The following CDC42SE1 variants were observed in gnomAD, a reference collection of about 807,000 sequenced individuals.
CDC42SE1 encodes the protein CDC42 small effector 1, also known as CDC42 small effector protein 1.
A neutral mutation model predicts 10.9 loss-of-function variants in CDC42SE1; 10 were observed. That is an observed-to-expected ratio of 0.92 (90% confidence interval 0.57 to 1.56). CDC42SE1 has a LOEUF of 1.56. CDC42SE1 is among the 40% of genes most tolerant of loss of function. The pLI is 0.00. For missense variants in CDC42SE1, 81 were observed against 100.8 expected (o/e 0.80, Z 0.84); for synonymous variants, 24 against 32.0 (o/e 0.75, Z 0.85).
In CDC42SE1 at chr1:151,051,291, G is replaced by A. The variant is rs1372021099; in HGVS notation, c.*2053C>T. 1 of 143,542 alleles carries A rather than the reference G, an allele frequency of 7.0e-6. No individual in the cohort carries two copies. The highest frequency in any genetic ancestry group is 1.5e-5 in the Non-Finnish European group (1 of 65,958). 8.9% of individuals were successfully genotyped at this position (143,542 alleles called of 1,614,324 possible). ...CTGAGGTATTTTAGAGCAACAAGCT[G>A]GGTTACTTTCAGAGCAACCAGCTTG... On this transcript the variant is annotated 3_prime_UTR_variant, in exon 5 of 5. Coordinates refer to ENST00000357235, the MANE Select transcript of CDC42SE1 (RefSeq NM_020239.4).
chr1:151,057,708 C>A lies in CDC42SE1; in HGVS notation c.-263-1715G>T, dbSNP rs1216870734. The A allele has an allele frequency of 2.1e-5, 1 of 48,346 alleles. No homozygotes were observed. The highest frequency in any genetic ancestry group is 3.2e-4 in the Admixed American group (1 of 3,128). 3.0% of individuals were successfully genotyped at this position (48,346 alleles called of 1,614,324 possible). ...GTCTCAAATACAAAACACACACACACACACACACACACACACACACACACA... is the reference window on the plus strand; with the variant it reads ...GTCTCAAATACAAAACACACACACAAACACACACACACACACACACACACA... On this transcript the variant is annotated intron_variant, in intron 1 of 4. Coordinates refer to ENST00000357235, the MANE Select transcript of CDC42SE1 (RefSeq NM_020239.4). This position sits in a 1 kb window ranked among gnomAD's most constrained non-coding sequence, Gnocchi z 4.0.
Position 151,052,152 on chromosome 1 carries a change from A to G in CDC42SE1, c.*1192T>C, listed in dbSNP as rs964574757. The stretch of plus-strand genomic sequence containing the variant: ...TCAAATGGAGGCGATTTTGCCCCCT[A>G]GGAGAAATCTGGCAATGTATAGAGA... On this transcript the variant is annotated 3_prime_UTR_variant, in exon 5 of 5. Transcript: ENST00000357235. The G allele has an allele frequency of 6.6e-6, 1 of 152,180 alleles. No homozygotes were observed. The highest frequency in any genetic ancestry group is 1.5e-5 in the Non-Finnish European group (1 of 68,046). 9.4% of individuals were successfully genotyped at this position (152,180 alleles called of 1,614,324 possible).
In CDC42SE1 at chr1:151,057,805, G is replaced by A. The variant is rs1026578029; in HGVS notation, c.-264+1674C>T. ...ACAAACACTCAAATGTAGCTTCTAG[G>A]GGAGGGGAGAACCCAGGAGGCTGGG... On this transcript the variant is annotated intron_variant, in intron 1 of 4. Transcript: ENST00000357235. This position sits in a 1 kb window ranked among gnomAD's most constrained non-coding sequence, Gnocchi z 4.0. 6.6e-6 allele frequency: 1 copy of A among 152,042 alleles called. No individual in the cohort carries two copies. Among genetic ancestry groups the A allele is most frequent in the Non-Finnish European group, 1.5e-5 (1 of 68,124 alleles). 9.4% of individuals were successfully genotyped at this position (152,042 alleles called of 1,614,324 possible).
Position 151,057,689 on chromosome 1 carries a change from A to G in CDC42SE1, c.-263-1696T>C, listed in dbSNP as rs1449602810. 3 of 119,440 alleles carry G rather than the reference A, an allele frequency of 2.5e-5. No individual in the cohort carries two copies. Among genetic ancestry groups the G allele is most frequent in the African/African-American group, 9.8e-5 (3 of 30,526 alleles). 7.4% of individuals were successfully genotyped at this position (119,440 alleles called of 1,614,324 possible). On this transcript the variant is annotated intron_variant, in intron 1 of 4. Transcript: ENST00000357235. The surrounding 1 kb of genome is among the most constrained non-coding windows in gnomAD (Gnocchi z 4.0). ...GGTGACAGGACAAGACCCTGTCTCA[A>G]ATACAAAACACACACACACACACAC...
rs1330210564 is a variant in CDC42SE1, at chr1:151,052,511, T to G, written c.*833A>C. 1 of 152,444 alleles carries G rather than the reference T, an allele frequency of 6.6e-6. No individual in the cohort carries two copies. The highest frequency in any genetic ancestry group is 6.6e-5 in the Admixed American group (1 of 15,250). 9.4% of individuals were successfully genotyped at this position (152,444 alleles called of 1,614,324 possible). On this transcript the variant is annotated 3_prime_UTR_variant, in exon 5 of 5. Transcript: ENST00000357235. ...CCTCTCACCTGGGCCAGCAGGGAGG[T>G]TGGCAGAGGGCAGGAAAGATGCCCC... is the stretch of plus-strand genomic sequence containing the variant.
In CDC42SE1 at chr1:151,055,664, TG is replaced by T; in HGVS notation, c.54+12del. ...CTGCTCTTTGGGTTAGGATGGGGGGTGGGGAGACTCACCGGCTGGGGTTTCT... is the reference window on the plus strand; with the variant it reads ...CTGCTCTTTGGGTTAGGATGGGGGGTGGGAGACTCACCGGCTGGGGTTTCT... On this transcript the variant is annotated intron_variant, in intron 2 of 4. Coordinates refer to ENST00000357235, the MANE Select transcript of CDC42SE1 (RefSeq NM_020239.4). 6.2e-7 allele frequency: 1 copy of T among 1,608,154 alleles called. No individual in the cohort carries two copies. The highest frequency in any genetic ancestry group is 8.5e-7 in the Non-Finnish European group (1 of 1,175,456).
At position 151,055,850 on chromosome 1, in the gene CDC42SE1, C is replaced by T; in HGVS notation, c.-120G>A. ...ACACCACCACCCTGGGTTCACTCAG[C>T]TGGATGGGTCCAGACAAAGTGGAAT... On this transcript the variant is annotated 5_prime_UTR_variant, in exon 2 of 5. Coordinates refer to ENST00000357235, the MANE Select transcript of CDC42SE1 (RefSeq NM_020239.4). The T allele has an allele frequency of 3.7e-6, 3 of 809,850 alleles. No homozygotes were observed. The highest frequency in any genetic ancestry group is 6.3e-6 in the Non-Finnish European group (3 of 474,312). The allele number at this position is 809,850 out of a possible 1,614,324, so 50.2% of individuals were successfully genotyped here. A position where few individuals can be genotyped will look rare whatever the true frequency, so the allele number is the denominator to read the frequency against.
At chr1:151,054,187 G>A (rs1405733131) in intron 4 of CDC42SE1, 44 bp downstream of exon 4, 4 of 1,241,914 alleles carry the variant, frequency 3.2e-6, no homozygotes, top group Admixed American at 3.4e-5. Context: ...AGGTTGTGCT[G>A]TTATGGGGGC....
intron 2 of CDC42SE1, chr1:151,055,461 G>T: frequency 1.6e-6 from 1 of 608,626 alleles, no homozygotes; most frequent in Non-Finnish European, 2.9e-6. Flanking sequence ...GCTCAGAATG[G>T]ACAGGAACAG....
chr1:151,054,179 GT>G (rs1676237653), intron 4 of CDC42SE1, 51 bp downstream of exon 4: 2 of 1,141,236 alleles, frequency 1.8e-6, no homozygotes, highest in Admixed American at 1.7e-5. Flanking sequence ...AGGGTATCAG[GT>G]TGTGCTGTTA....
intron 3 of CDC42SE1, 66 bp from the exon 4 acceptor site, chr1:151,054,387 G>C (rs1571851582): frequency 1.6e-6 from 2 of 1,289,612 alleles, no homozygotes; most frequent in East Asian, 4.6e-5. Flanking sequence ...ACTCTACTTT[G>C]TGCCTTCCAG....
intron 3 of CDC42SE1, 63 bp downstream of exon 3, chr1:151,054,953 T>C: frequency 1.6e-6 from 2 of 1,226,512 alleles, no homozygotes; most frequent in Non-Finnish European, 2.4e-6. Context: ...GCTTGAACTT[T>C]CAAAAAGAGG....
chr1:151,053,893 G>C (rs1227475038), intron 4 of CDC42SE1, among the ~76,000 whole-genome samples: 1 of 151,908 alleles, frequency 6.6e-6, no homozygotes, highest in African/African-American at 2.4e-5. Context: ...GCAGTGGCGC[G>C]ATCTCAGCTC....
At chr1:151,055,647 T>G in intron 2 of CDC42SE1, 30 bp downstream of exon 2, 1 of 1,589,504 alleles carries the variant, frequency 6.3e-7, no homozygotes. Context: ...GACTGCTCTT[T>G]GGGTTAGGAT....
At position 151,055,658 on chromosome 1, in the gene CDC42SE1, G is replaced by C. The variant is rs376058972; in HGVS notation, c.54+19C>G. On this transcript the variant is annotated intron_variant, in intron 2 of 4. Coordinates refer to ENST00000357235, the MANE Select transcript of CDC42SE1 (RefSeq NM_020239.4). Reference sequence around the variant, plus strand: ...AACTGACTGCTCTTTGGGTTAGGATGGGGGGTGGGGAGACTCACCGGCTGG... The same window carrying C: ...AACTGACTGCTCTTTGGGTTAGGATCGGGGGTGGGGAGACTCACCGGCTGG... 3 of 1,601,034 alleles carry C rather than the reference G, an allele frequency of 1.9e-6. No individual in the cohort carries two copies. Among genetic ancestry groups the C allele is most frequent in the African/African-American group, 1.3e-5 (1 of 74,750 alleles).
Position 151,055,002 on chromosome 1 carries a change from C to T in CDC42SE1, c.165+14G>A. ...CCTCACCCCTGTATCAACCTCTCCC[C>T]ATTTCCTTGTTACCATGGCAAGTCC... On this transcript the variant is annotated intron_variant, in intron 3 of 4. Transcript: ENST00000357235. 6.3e-7 allele frequency: 1 copy of T among 1,586,374 alleles called. No homozygotes were observed. Among genetic ancestry groups the T allele is most frequent in the South Asian group, 1.1e-5 (1 of 90,548 alleles).
rs1676174219 is a variant in CDC42SE1 at position 151,051,349 on chromosome 1, C to A, written c.*1995G>T. The A allele has an allele frequency of 8.8e-6, 1 of 114,264 alleles. No individual in the cohort carries two copies. Among genetic ancestry groups the A allele is most frequent in the South Asian group, 3.0e-4 (1 of 3,296 alleles). 7.1% of individuals were successfully genotyped at this position (114,264 alleles called of 1,614,324 possible). The stretch of plus-strand genomic sequence containing the variant: ...CTGAGAGTAAATTGGGAATGTATGA[C>A]CAATCTTAGACCCTGAAAAATGGCA... On this transcript the variant is annotated 3_prime_UTR_variant, in exon 5 of 5. Coordinates refer to ENST00000357235, the MANE Select transcript of CDC42SE1 (RefSeq NM_020239.4).
chr1:151,058,181 T>G (rs1197278299), intron 1 of CDC42SE1: 2 of 152,724 alleles, frequency 1.3e-5, no homozygotes, highest in African/African-American at 4.8e-5. Flanking sequence ...CATTTCTGTT[T>G]CTTTTCCAGG....
At chr1:151,055,420 G>A in intron 2 of CDC42SE1, 5 of 599,052 alleles carry the variant, frequency 8.3e-6, no homozygotes, top group Non-Finnish European at 1.5e-5. Context: ...AAAACTGACA[G>A]GTATGCAGCT....
Sources: allele counts gnomAD v4.1 joint callset (sites outside exome capture counted in the v4.1 genomes callset), GRCh38; gene constraint gnomAD v4.1.1; non-coding constraint Gnocchi (gnomAD v3.1); transcripts MANE v1.5; gene names NCBI Gene and HGNC (gene_info 2026-07-23, HGNC 2026-07-21).